The following AP4S1 variants were observed in gnomAD, a reference collection of about 807,000 sequenced individuals.
AP4S1 encodes the protein adaptor related protein complex 4 subunit sigma 1.
A neutral mutation model predicts 19.8 loss-of-function variants in AP4S1; 23 were observed. The observed-to-expected ratio is 1.16, with a 90% CI of 0.84 to 1.65. The LOEUF is 1.65. Ranked by LOEUF, AP4S1 falls within the 40% of genes most tolerant of loss-of-function variation. The probability of loss-of-function intolerance (pLI) is 0.00; values close to 1 mark genes in which losing one functional copy is unlikely to be tolerated. For missense variants in AP4S1, 166 were observed against 172.8 expected (o/e 0.96, Z 0.22); for synonymous variants, 46 against 54.1 (o/e 0.85, Z 0.66).
intron 1 of AP4S1, among the ~76,000 whole-genome samples, chr14:31,030,194 C>T (rs1045763437): frequency 6.6e-6 from 1 of 152,018 alleles, no homozygotes; most frequent in African/African-American, 2.4e-5. Flanking sequence ...CGCCATGTTG[C>T]ACAGGCTGGT....
At chr14:31,049,443 A>ATATATG (rs1885637546) in intron 1 of AP4S1, among the ~76,000 whole-genome samples, 2 of 65,066 alleles carry the variant, frequency 3.1e-5, no homozygotes, top group Non-Finnish European at 5.3e-5. Flanking sequence ...ATATATATAT[A>ATATATG]TATATATATA....
intron 1 of AP4S1, among the ~76,000 whole-genome samples, chr14:31,045,011 C>T (rs1022413377): frequency 6.6e-6 from 1 of 151,754 alleles, no homozygotes; most frequent in Non-Finnish European, 1.5e-5. Context: ...AAGCAGTTCT[C>T]GTGCCTCAGC....
chr14:31,078,739 C>T (rs978224867), intron 4 of AP4S1, among the ~76,000 whole-genome samples: 1 of 152,024 alleles, frequency 6.6e-6, no homozygotes, highest in Non-Finnish European at 1.5e-5. Context: ...ACATAAACCA[C>T]GAAAGTAAAG....
At chr14:31,055,213 G>A (rs1366611498) in intron 1 of AP4S1, among the ~76,000 whole-genome samples, 1 of 151,936 alleles carries the variant, frequency 6.6e-6, no homozygotes, top group African/African-American at 2.4e-5. Context: ...AGCTTTAAAA[G>A]TCTAAATTGC....
chr14:31,091,334 G>C (rs1270255186), intron 5 of AP4S1, among the ~76,000 whole-genome samples: 1 of 152,122 alleles, frequency 6.6e-6, no homozygotes, highest in African/African-American at 2.4e-5. Context: ...GTAGCCACCT[G>C]TGCTTCTTAG....
chr14:31,079,500 G>T (rs926143583), intron 4 of AP4S1, among the ~76,000 whole-genome samples: 9 of 152,110 alleles, frequency 5.9e-5, no homozygotes, highest in East Asian at 1.9e-4. Context: ...CCTCAATATT[G>T]CTGTGAACCT....
At chr14:31,025,818 GC>G (rs2139375399) in intron 1 of AP4S1, 31 bp downstream of exon 1, 1 of 1,522,240 alleles carries the variant, frequency 6.6e-7, no homozygotes, top group South Asian at 1.2e-5. Context: ...CAAGGCGCCG[GC>G]TCCGGCTGAG....
chr14:31,055,428 A>T (rs968112051), intron 1 of AP4S1, among the ~76,000 whole-genome samples: 1 of 152,292 alleles, frequency 6.6e-6, no homozygotes. Context: ...TGTTCTAGGA[A>T]TGTTACATAT....
intron 1 of AP4S1, among the ~76,000 whole-genome samples, chr14:31,046,052 C>T (rs910835341): frequency 2.6e-5 from 4 of 151,534 alleles, no homozygotes; most frequent in African/African-American, 7.3e-5. Flanking sequence ...CTGCAACCTC[C>T]GCCTCCCAGG....
Position 31,049,474 on chromosome 14 carries a change from TACACAC to T in AP4S1, c.-71-16622_-71-16617del, listed in dbSNP as rs1165169644. ...ATATATATATATATGTATATATATGTACACACACACACACACACACACACACACACA... is the reference window on the plus strand; with the variant it reads ...ATATATATATATATGTATATATATGTACACACACACACACACACACACACA... On this transcript the variant is annotated intron_variant, in intron 1 of 5. Transcript: ENST00000542754. Among the ~76,000 whole-genome samples the T allele has an allele frequency of 3.3e-3, 186 of 57,166 alleles. 1 individual carries two copies. Among genetic ancestry groups the T allele is most frequent in the East Asian group, 0.029 (59 of 2,060 alleles). The allele number at this position is 57,166 out of a possible 152,430, so 37.5% of individuals were successfully genotyped here.
chr14:31,050,075 C>G (rs1008409708), intron 1 of AP4S1, among the ~76,000 whole-genome samples: 1 of 152,176 alleles, frequency 6.6e-6, no homozygotes, highest in African/African-American at 2.4e-5. Flanking sequence ...GCATGCGCCA[C>G]CACACCCTGC....
intron 1 of AP4S1, among the ~76,000 whole-genome samples, chr14:31,036,191 T>A (rs201853661): frequency 2.1e-5 from 2 of 97,288 alleles, no homozygotes; most frequent in African/African-American, 5.2e-5. Flanking sequence ...AAGAAAAAAA[T>A]AATAATTTAA....
intron 1 of AP4S1, among the ~76,000 whole-genome samples, chr14:31,058,867 C>T (rs779128153): frequency 5.3e-5 from 8 of 151,918 alleles, no homozygotes; most frequent in African/African-American, 1.5e-4. Context: ...TGAGCCACCA[C>T]ACCTGGCCCC....
At chr14:31,039,286 T>G (rs1261138083) in intron 1 of AP4S1, among the ~76,000 whole-genome samples, 4 of 150,936 alleles carry the variant, frequency 2.7e-5, no homozygotes, top group Non-Finnish European at 5.9e-5. Context: ...CCCAGGTTCA[T>G]GCAATTCTCC....
At chr14:31,026,426 AG>A (rs1209523914) in intron 1 of AP4S1, 86 of 15,788 alleles carry the variant, frequency 5.4e-3, no homozygotes, top group Non-Finnish European at 9.1e-3. Flanking sequence ...CCTCGGCGGG[AG>A]GGGTGGGGGG....
At chr14:31,082,821 G>A (rs556829286) in intron 5 of AP4S1, among the ~76,000 whole-genome samples, 7 of 152,020 alleles carry the variant, frequency 4.6e-5, no homozygotes, top group East Asian at 3.9e-4. Context: ...GCGTGAACCC[G>A]GGAGGCGGAG....
intron 5 of AP4S1, chr14:31,085,610 C>CA (rs1887887950): frequency 1.2e-6 from 1 of 846,394 alleles, no homozygotes; most frequent in Non-Finnish European, 1.4e-6. Flanking sequence ...CCAGTCTCTA[C>CA]AAAAAAATTT....
At position 31,093,127 on chromosome 14, in the gene AP4S1, C is replaced by T; in HGVS notation, c.*92C>T. 5 of 1,317,188 alleles carry T rather than the reference C, an allele frequency of 3.8e-6. No individual in the cohort carries two copies. Among genetic ancestry groups the T allele is most frequent in the South Asian group, 1.6e-5 (1 of 63,730 alleles). The allele number at this position is 1,317,188 out of a possible 1,614,324, so 81.6% of individuals were successfully genotyped here. A position where few individuals can be genotyped will look rare whatever the true frequency, so the allele number is the denominator to read the frequency against. On this transcript the variant is annotated 3_prime_UTR_variant, in exon 6 of 6. Coordinates refer to ENST00000542754, the MANE Select transcript of AP4S1 (RefSeq NM_001128126.3). ...TGTTAACCCAGAAGAATCTGGAAGA[C>T]CACAATTACAAAATGGGGTATCCTT...
At chr14:31,036,372 C>T (rs1308322050) in intron 1 of AP4S1, among the ~76,000 whole-genome samples, 1 of 152,058 alleles carries the variant, frequency 6.6e-6, no homozygotes, top group Non-Finnish European at 1.5e-5. Flanking sequence ...TGTGAGCCAC[C>T]GTACCTGGCC....
Sources: allele counts gnomAD v4.1 joint callset (sites outside exome capture counted in the v4.1 genomes callset), GRCh38; gene constraint gnomAD v4.1.1; transcripts MANE v1.5; gene names NCBI Gene and HGNC (gene_info 2026-07-23, HGNC 2026-07-21).